COL25A1: variants seen among roughly 807,000 people sequenced by gnomAD.
COL25A1 encodes the protein collagen type XXV alpha 1 chain, also known as collagen alpha-1(XXV) chain.
In COL25A1, 103 loss-of-function variants were observed where a neutral mutation model predicts 128.4. The observed-to-expected ratio is 0.80, with a 90% CI of 0.68 to 0.94. The LOEUF is 0.94. COL25A1 is among the 40% of genes least tolerant of loss of function. COL25A1 has a pLI of 0.00. For synonymous variants in COL25A1, 279 were observed against 277.2 expected (o/e 1.01, Z -0.06); for missense variants, 745 against 840.0 (o/e 0.89, Z 1.40).
intron 3 of COL25A1, among the ~76,000 whole-genome samples, chr4:109,113,029 C>T (rs1767173634): frequency 6.6e-6 from 1 of 152,060 alleles, no homozygotes; most frequent in Admixed American, 6.6e-5. Context: ...GCAGCGGTGG[C>T]AGTACATAGG....
chr4:109,106,640 C>T (rs1766460077), intron 3 of COL25A1, among the ~76,000 whole-genome samples: 1 of 152,050 alleles, frequency 6.6e-6, no homozygotes, highest in Admixed American at 6.5e-5. Flanking sequence ...CTTACTAACA[C>T]TGGGCAGAGA....
chr4:108,990,266 ATATATATCTC>A (rs1203266205), intron 6 of COL25A1, among the ~76,000 whole-genome samples: 1 of 134,796 alleles, frequency 7.4e-6, no homozygotes, highest in Non-Finnish European at 1.6e-5. Flanking sequence ...ATATATATAT[ATATATATCTC>A]AAAAGAATCG....
chr4:108,827,298 C>T (rs1732513295), intron 32 of COL25A1, 110 bp from the exon 33 acceptor site: 1 of 970,148 alleles, frequency 1.0e-6, no homozygotes, highest in Admixed American at 1.9e-5. Flanking sequence ...CTATGAAAAT[C>T]TCAAAGATTT....
chr4:109,180,503 T>A (rs1387465897), intron 3 of COL25A1, among the ~76,000 whole-genome samples: 1 of 152,168 alleles, frequency 6.6e-6, no homozygotes, highest in East Asian at 1.9e-4. Flanking sequence ...AAAAGTTGTA[T>A]CTATTGCACA....
chr4:108,854,264 C>G (rs1288833963), intron 24 of COL25A1, among the ~76,000 whole-genome samples: 1 of 151,980 alleles, frequency 6.6e-6, no homozygotes, highest in African/African-American at 2.4e-5. Flanking sequence ...CCATAAAAAC[C>G]CTAGAAGAAA....
intron 8 of COL25A1, among the ~76,000 whole-genome samples, chr4:108,953,500 A>G (rs1005546673): frequency 3.3e-5 from 5 of 152,180 alleles, no homozygotes; most frequent in Non-Finnish European, 2.9e-5. Context: ...GTAAACTGAA[A>G]TGACTATAAG....
intron 3 of COL25A1, among the ~76,000 whole-genome samples, chr4:109,171,888 G>A (rs368366159): frequency 6.6e-6 from 1 of 152,166 alleles, no homozygotes; most frequent in South Asian, 2.1e-4. Flanking sequence ...TGAAGTCCAG[G>A]CCTTTGTTTA....
At chr4:109,195,117 AAATT>A (rs1433348318) in intron 3 of COL25A1, among the ~76,000 whole-genome samples, 5 of 152,142 alleles carry the variant, frequency 3.3e-5, no homozygotes, top group East Asian at 3.9e-4. Flanking sequence ...AAATTTTTAA[AAATT>A]AATATTAAAA....
chr4:108,973,655 G>A (rs1227026491), intron 8 of COL25A1, among the ~76,000 whole-genome samples: 1 of 152,086 alleles, frequency 6.6e-6, no homozygotes, highest in Non-Finnish European at 1.5e-5. Context: ...AAAATTGAGA[G>A]GTATGTCGAA....
chr4:108,899,126 A>G (rs1282158463), intron 15 of COL25A1, 28 bp downstream of exon 15: 1 of 1,604,770 alleles, frequency 6.2e-7, no homozygotes, highest in Non-Finnish European at 8.5e-7. Context: ...GAGTAGGGAG[A>G]GAGAAATACA....
At chr4:108,955,799 A>T (rs1347973942) in intron 8 of COL25A1, among the ~76,000 whole-genome samples, 1 of 152,236 alleles carries the variant, frequency 6.6e-6, no homozygotes, top group African/African-American at 2.4e-5. Flanking sequence ...AGTAGCAACC[A>T]GTTCCTATTT....
rs115791351 is a variant in COL25A1, at chr4:108,974,474, G to C, written c.465+59C>G. On this transcript the variant is annotated intron_variant, in intron 7 of 37. Coordinates refer to ENST00000399132, the MANE Select transcript of COL25A1 (RefSeq NM_198721.4). Reference sequence around the variant, plus strand: ...ATTAAAAAGATCAAAATGTAACACAGTATAGGTCACGCCAATATGGATCTT... The same window carrying C: ...ATTAAAAAGATCAAAATGTAACACACTATAGGTCACGCCAATATGGATCTT... 497 of 1,605,132 alleles carry C rather than the reference G, an allele frequency of 3.1e-4. 2 individuals are homozygous for C. In the African/African-American group the frequency reaches 6.0e-3, roughly 19 times the overall value.
chr4:108,920,202 T>C (rs1745339085), intron 12 of COL25A1, among the ~76,000 whole-genome samples: 1 of 152,184 alleles, frequency 6.6e-6, no homozygotes, highest in Non-Finnish European at 1.5e-5. Context: ...AATATCCTTT[T>C]TTTGGGCTCA....
intron 18 of COL25A1, among the ~76,000 whole-genome samples, chr4:108,886,488 G>GT (rs1413657808): frequency 4.0e-5 from 2 of 49,426 alleles, no homozygotes; most frequent in South Asian, 6.2e-4. Flanking sequence ...GTGTGTGTGT[G>GT]TGTGTTTAGC....
At chr4:109,006,031 CA>C (rs1408173938) in intron 6 of COL25A1, among the ~76,000 whole-genome samples, 2 of 151,460 alleles carry the variant, frequency 1.3e-5, no homozygotes, top group Non-Finnish European at 2.9e-5. Context: ...TTTGAGTCAA[CA>C]AAAAGAAGAG....
chr4:109,091,808 T>TAGGGC, intron 3 of COL25A1, among the ~76,000 whole-genome samples: 1 of 151,426 alleles, frequency 6.6e-6, no homozygotes, highest in South Asian at 2.1e-4. Flanking sequence ...TAATCTGAAA[T>TAGGGC]AGGGCAGGAC....
chr4:108,894,031 A>G (rs555574387), intron 16 of COL25A1, among the ~76,000 whole-genome samples: 45 of 152,306 alleles, frequency 3.0e-4, no homozygotes, highest in African/African-American at 1.0e-3. Flanking sequence ...TTGATAAAAA[A>G]AAGAATAACA....
At chr4:109,281,882 G>A (rs1485605148) in intron 3 of COL25A1, among the ~76,000 whole-genome samples, 1 of 152,066 alleles carries the variant, frequency 6.6e-6, no homozygotes, top group Non-Finnish European at 1.5e-5. Context: ...TTATTTTAGA[G>A]CAACATAAGC....
At chr4:108,902,705 GA>G (rs1232838345) in intron 13 of COL25A1, among the ~76,000 whole-genome samples, 1 of 151,788 alleles carries the variant, frequency 6.6e-6, no homozygotes, top group Non-Finnish European at 1.5e-5. Context: ...TAACCTCCTG[GA>G]AAAAAATTCT....
Sources: gnomAD v4.1 joint callset for allele counts (sites outside exome capture counted in the v4.1 genomes callset) on GRCh38, gnomAD v4.1.1 for gene constraint, MANE v1.5 for transcripts, NCBI Gene and HGNC (gene_info 2026-07-23, HGNC 2026-07-21) for gene names.